SHROOM2: variants seen among roughly 807,000 people sequenced by gnomAD.
SHROOM2 encodes shroom family member 2.
A neutral mutation model predicts 75.9 loss-of-function variants in SHROOM2; 33 were observed. The observed-to-expected ratio is 0.43, with a 90% CI of 0.33 to 0.58. SHROOM2 has a LOEUF of 0.58. Among genes scored for constraint, SHROOM2 ranks in the 20% least tolerant of loss-of-function variants. SHROOM2 has a pLI of 0.04. For synonymous variants in SHROOM2, 655 were observed against 663.6 expected (o/e 0.99, Z 0.20); for missense variants, 1,434 against 1,461.2 (o/e 0.98, Z 0.30).
At chrX:9,848,516 A>C (rs2084019591) in intron 1 of SHROOM2, among the ~76,000 whole-genome samples, 1 of 99,864 alleles carries the variant, frequency 1.0e-5, no homozygotes, top group African/African-American at 3.5e-5. Flanking sequence ...GTCTCAAAAA[A>C]AAAAAAAAAA....
intron 5 of SHROOM2, among the ~76,000 whole-genome samples, chrX:9,905,114 C>G (rs2084384786): frequency 8.9e-6 from 1 of 112,372 alleles, no homozygotes; most frequent in African/African-American, 3.2e-5. Context: ...CTCAGCCTCT[C>G]AGAGTGCTGG....
At chrX:9,889,622 C>T (rs929311803) in intron 2 of SHROOM2, among the ~76,000 whole-genome samples, 1 of 112,142 alleles carries the variant, frequency 8.9e-6, no homozygotes, top group East Asian at 2.8e-4. Context: ...GGCCAAGACA[C>T]TAAGAAGCCA....
At chrX:9,844,770 G>A (rs1462919676) in intron 1 of SHROOM2, among the ~76,000 whole-genome samples, 1 of 109,569 alleles carries the variant, frequency 9.1e-6, no homozygotes, top group Non-Finnish European at 1.9e-5. Flanking sequence ...AGCTGAGATC[G>A]TGCCATTGCA....
chrX:9,909,504 G>A (rs894074200), intron 5 of SHROOM2, among the ~76,000 whole-genome samples: 13 of 112,367 alleles, frequency 1.2e-4, no homozygotes, highest in African/African-American at 4.2e-4. Flanking sequence ...CCGAGGAGAG[G>A]AACATCACAG....
chrX:9,923,174 G>T (rs1255274576), intron 5 of SHROOM2, among the ~76,000 whole-genome samples: 1 of 111,036 alleles, frequency 9.0e-6, no homozygotes, highest in Non-Finnish European at 1.9e-5. Context: ...ACTGTGAGCA[G>T]TAGTCCATAT....
At chrX:9,792,871 T>C (rs192204165) in intron 1 of SHROOM2, among the ~76,000 whole-genome samples, 1,976 of 109,929 alleles carry the variant, frequency 0.018, 47 homozygotes, top group African/African-American at 0.06. Context: ...CACCACGCCC[T>C]GCTAATTTTT....
At chrX:9,802,526 C>A (rs1206691248) in intron 1 of SHROOM2, among the ~76,000 whole-genome samples, 1 of 111,154 alleles carries the variant, frequency 9.0e-6, no homozygotes, top group East Asian at 2.8e-4. Flanking sequence ...CGAAGTGGCC[C>A]TAACTGTCCA....
At chrX:9,837,007 A>G (rs945150815) in intron 1 of SHROOM2, among the ~76,000 whole-genome samples, 16 of 112,289 alleles carry the variant, frequency 1.4e-4, no homozygotes, top group African/African-American at 4.9e-4. Context: ...ACTCCGCATC[A>G]TATTTTCGGG....
chrX:9,853,855 A>G (rs1411489735), intron 1 of SHROOM2, among the ~76,000 whole-genome samples: 3 of 112,460 alleles, frequency 2.7e-5, no homozygotes, highest in African/African-American at 9.7e-5. Flanking sequence ...ACATGGTAGC[A>G]TAGACATTGA....
intron 1 of SHROOM2, among the ~76,000 whole-genome samples, chrX:9,857,908 C>T (rs2146782872): frequency 9.0e-6 from 1 of 110,915 alleles, no homozygotes; most frequent in East Asian, 2.9e-4. Flanking sequence ...ACCACAATGC[C>T]CAGTGCTCGA....
intron 2 of SHROOM2, among the ~76,000 whole-genome samples, chrX:9,880,727 TG>T (rs199672388): frequency 3.6e-5 from 4 of 111,787 alleles, no homozygotes; most frequent in African/African-American, 9.8e-5. Flanking sequence ...CTGTTTTTTT[TG>T]TTGTTGTTGT....
rs2083864791 is a variant in SHROOM2, at chrX:9,823,063, CT to C, written c.165+36354del. On this transcript the variant is annotated intron_variant, in intron 1 of 9. Coordinates refer to ENST00000380913, the MANE Select transcript of SHROOM2 (RefSeq NM_001649.4). ...CCTCCTCCTCCTCCTCCTCCTCCTC[CT>C]CCTCCTCCTCCCTTCTCCCTTCTCC... is the stretch of plus-strand genomic sequence containing the variant. Among the ~76,000 whole-genome samples the C allele has an allele frequency of 2.6e-5, 2 of 77,696 alleles. 1 individual carries two copies. The highest frequency in any genetic ancestry group is 8.6e-4 in the East Asian group (2 of 2,328). 67.5% of individuals were successfully genotyped at this position (77,696 alleles called of 115,157 possible). A position where few individuals can be genotyped will look rare whatever the true frequency, so the allele number is the denominator to read the frequency against.
intron 1 of SHROOM2, among the ~76,000 whole-genome samples, chrX:9,787,843 T>G (rs1369138788): frequency 8.9e-6 from 1 of 112,243 alleles, no homozygotes; most frequent in Non-Finnish European, 1.9e-5. Flanking sequence ...AGGTTGCCAT[T>G]GTTATAAATT....
In SHROOM2 at chrX:9,939,154, G is replaced by T. The variant is rs767629514; in HGVS notation, c.4140-41G>T. 86 of 1,127,040 alleles carry T rather than the reference G, an allele frequency of 7.6e-5. 1 individual carries two copies. Among genetic ancestry groups the T allele is most frequent in the Non-Finnish European group, 9.8e-5 (83 of 846,209 alleles). 92.9% of individuals were successfully genotyped at this position (1,127,040 alleles called of 1,213,427 possible). A position where few individuals can be genotyped will look rare whatever the true frequency, so the allele number is the denominator to read the frequency against. ...GGTGGGGCAGAGGGGCTGTTTGCGT[G>T]CACAGTCCCAGCTCATTGAAGTTCC... On this transcript the variant is annotated intron_variant, in intron 7 of 9. Coordinates refer to ENST00000380913, the MANE Select transcript of SHROOM2 (RefSeq NM_001649.4).
intron 1 of SHROOM2, among the ~76,000 whole-genome samples, chrX:9,789,566 T>C (rs910525292): frequency 3.6e-5 from 4 of 111,145 alleles, no homozygotes; most frequent in Non-Finnish European, 7.5e-5. Context: ...ATGTTTCTGT[T>C]CCCATCCATT....
chrX:9,896,820 G>C, intron 4 of SHROOM2, 122 bp downstream of exon 4: 1 of 783,865 alleles, frequency 1.3e-6, no homozygotes, highest in Non-Finnish European at 1.8e-6. Flanking sequence ...ACCTTTTCCA[G>C]ATCTCCTAGT....
At chrX:9,801,486 G>C (rs1197138365) in intron 1 of SHROOM2, among the ~76,000 whole-genome samples, 1 of 112,226 alleles carries the variant, frequency 8.9e-6, no homozygotes, top group Non-Finnish European at 1.9e-5. Flanking sequence ...ATATGTGACT[G>C]TTGAACAGTT....
At chrX:9,935,310 TTTATTA>T (rs201503800) in intron 6 of SHROOM2, among the ~76,000 whole-genome samples, 2,460 of 99,144 alleles carry the variant, frequency 0.025, 89 homozygotes, top group African/African-American at 0.088. Flanking sequence ...TCCTCCTTCT[TTTATTA>T]TTATTATTAT....
chrX:9,947,211 G>A lies in SHROOM2; in HGVS notation c.*274G>A. On this transcript the variant is annotated 3_prime_UTR_variant, in exon 10 of 10. Coordinates refer to ENST00000380913, the MANE Select transcript of SHROOM2 (RefSeq NM_001649.4). ...GATGTGAGTTTCCACTGCATGGGCT[G>A]TGGGCTGGGCCTGTGGTGCCTGCCG... 5.6e-6 allele frequency: 2 copies of A among 358,965 alleles called. No homozygotes were observed. 29.6% of individuals were successfully genotyped at this position (358,965 alleles called of 1,213,427 possible).
Sources: gnomAD v4.1 joint callset for allele counts (sites outside exome capture counted in the v4.1 genomes callset) on GRCh38, gnomAD v4.1.1 for gene constraint, MANE v1.5 for transcripts, NCBI Gene and HGNC (gene_info 2026-07-23, HGNC 2026-07-21) for gene names.